The following SCN8A variants were observed in gnomAD, a reference collection of about 807,000 sequenced individuals.
SCN8A encodes the protein sodium channel protein type 8 subunit alpha.
In SCN8A, 30 loss-of-function variants were observed where a neutral mutation model predicts 184.1. That is an observed-to-expected ratio of 0.16 (90% CI 0.12 to 0.22). The LOEUF (loss-of-function observed/expected upper bound fraction) is 0.22, where lower values mean the gene tolerates loss of function less well. Among genes scored for constraint, SCN8A ranks in the 10% least tolerant of loss-of-function variants. The pLI is 1.00. For synonymous variants in SCN8A, 852 were observed against 907.0 expected, an observed-to-expected ratio of 0.94 and a Z score of 1.09; for missense variants, 1,057 against 2,498.9, an observed-to-expected ratio of 0.42 and a Z score of 12.30.
chr12:51,667,870 C>T (rs530912964), intron 2 of SCN8A, among the ~76,000 whole-genome samples: 1 of 152,200 alleles, frequency 6.6e-6, no homozygotes, highest in African/African-American at 2.4e-5. Context: ...TTAAATAGGG[C>T]ACACTCCTAT....
chr12:51,648,399 G>T (rs1033935895), intron 1 of SCN8A, among the ~76,000 whole-genome samples: 2 of 152,086 alleles, frequency 1.3e-5, no homozygotes, highest in Non-Finnish European at 2.9e-5. Flanking sequence ...TCCTAGAGTG[G>T]GTAGTCCTGT....
At chr12:51,744,613 CTTT>C (rs1410294336) in intron 12 of SCN8A, among the ~76,000 whole-genome samples, 2 of 137,512 alleles carry the variant, frequency 1.5e-5, no homozygotes, top group Non-Finnish European at 3.2e-5. Context: ...TGATGAAACA[CTTT>C]TTTTTTTTTT....
chr12:51,745,767 G>C lies in SCN8A; in HGVS notation c.1999-136G>C, dbSNP rs1222230568. 10 of 559,828 alleles carry C rather than the reference G, an allele frequency of 1.8e-5. No individual in the cohort carries two copies. In the Admixed American group the frequency reaches 2.0e-4, roughly 11 times the overall value. 34.7% of individuals were successfully genotyped at this position (559,828 alleles called of 1,614,324 possible). On this transcript the variant is annotated intron_variant, in intron 12 of 26. Transcript: ENST00000627620. ...GCCAATTCATTTCATTCTACTTCTTGAAGTGAATAGGACTGTAGGATCAAA... is the reference window on the plus strand; with the variant it reads ...GCCAATTCATTTCATTCTACTTCTTCAAGTGAATAGGACTGTAGGATCAAA...
At chr12:51,645,130 C>T (rs1300919254) in intron 1 of SCN8A, among the ~76,000 whole-genome samples, 1 of 149,734 alleles carries the variant, frequency 6.7e-6, no homozygotes, top group African/African-American at 2.5e-5. Flanking sequence ...GTGAGGGGCG[C>T]CTCTGCCCGG....
At position 51,706,417 on chromosome 12, in the gene SCN8A, C is replaced by A; in HGVS notation, c.1342-5C>A. 6.4e-7 allele frequency: 1 copy of A among 1,564,248 alleles called. No individual in the cohort carries two copies. Among genetic ancestry groups the A allele is most frequent in the South Asian group, 1.2e-5 (1 of 81,198 alleles). ...CTGGCTTCCCTGCTGTGGCTTCTTT[C>A]CTAGGCTGCTGCGATGGCCACTTCA... On this transcript the variant is annotated splice_region_variant and splice_polypyrimidine_tract_variant and intron_variant, in intron 10 of 26. Transcript: ENST00000627620.
rs1942068938 is a variant in SCN8A, at chr12:51,721,764, C to T, written c.1854C>T (p.Ser618=). Residue 618 remains serine (S), a synonymous_variant, in exon 12 of 27, where the codon AGC becomes AGT. Transcript: ENST00000627620. ...GCCGGAGCAGCTACAGCGGCTACAGCGGCTACAGCCAGGGCAGCCGCTCCT... is the reference window on the plus strand; with the variant it reads ...GCCGGAGCAGCTACAGCGGCTACAGTGGCTACAGCCAGGGCAGCCGCTCCT... ...RERRSSYSGY[S]GYSQGSRSSR... 1 of 1,609,396 alleles carries T rather than the reference C, an allele frequency of 6.2e-7. No homozygotes were observed. The highest frequency in any genetic ancestry group is 8.5e-7 in the Non-Finnish European group (1 of 1,178,612).
chr12:51,620,484 T>A (rs1299455694), intron 1 of SCN8A, among the ~76,000 whole-genome samples: 2 of 152,138 alleles, frequency 1.3e-5, no homozygotes, highest in Non-Finnish European at 1.5e-5. Flanking sequence ...AATTTTTTCT[T>A]TATATAACTC....
chr12:51,791,020 A>G (rs1758188627), intron 25 of SCN8A, among the ~76,000 whole-genome samples: 1 of 152,092 alleles, frequency 6.6e-6, no homozygotes. Context: ...CCTTTTATAA[A>G]ACAGATTAGG....
At chr12:51,722,937 C>T (rs1404952530) in intron 12 of SCN8A, 6 of 152,286 alleles carry the variant, frequency 3.9e-5, no homozygotes, top group African/African-American at 1.4e-4. Context: ...CTTCATACCT[C>T]TAATTTCTAA....
chr12:51,755,197 G>A (rs1001297896), intron 14 of SCN8A, among the ~76,000 whole-genome samples: 1 of 152,214 alleles, frequency 6.6e-6, no homozygotes, highest in African/African-American at 2.4e-5. Flanking sequence ...ATACTTAATA[G>A]GTATTTGTGA....
intron 1 of SCN8A, among the ~76,000 whole-genome samples, chr12:51,646,238 G>T (rs1457272642): frequency 6.6e-6 from 1 of 152,190 alleles, no homozygotes; most frequent in Non-Finnish European, 1.5e-5. Context: ...TTAGACGGTT[G>T]CTATGGTAAC....
In SCN8A at chr12:51,807,514, G is replaced by C. The variant is rs1298763470; in HGVS notation, c.*85G>C. ...AAACTTCCTGAATATTATCAATGCA[G>C]AACAGCTGTGGAGACTCTAACCTGA... is the stretch of plus-strand genomic sequence containing the variant. On this transcript the variant is annotated 3_prime_UTR_variant, in exon 27 of 27. Transcript: ENST00000627620. The surrounding 1 kb of genome is among the most constrained non-coding windows in gnomAD (Gnocchi z 4.5). 5 of 1,362,526 alleles carry C rather than the reference G, an allele frequency of 3.7e-6. No individual in the cohort carries two copies. The East Asian group carries it at 1.2e-4, about 34-fold the overall frequency. 84.4% of individuals were successfully genotyped at this position (1,362,526 alleles called of 1,614,324 possible). A position where few individuals can be genotyped will look rare whatever the true frequency, so the allele number is the denominator to read the frequency against.
chr12:51,690,517 T>G (rs1941488838), intron 6 of SCN8A, among the ~76,000 whole-genome samples: 1 of 151,828 alleles, frequency 6.6e-6, no homozygotes, highest in African/African-American at 2.4e-5. Context: ...CACACCCAGC[T>G]CATTTTTAAA....
At position 51,600,206 on chromosome 12, in the gene SCN8A, T is replaced by C. The variant is rs1004565524; in HGVS notation, c.-55+8847T>C. Among the ~76,000 whole-genome samples, 8 of 152,238 alleles carry C rather than the reference T, an allele frequency of 5.3e-5. No homozygotes were observed. The East Asian group carries it at 1.3e-3, about 26-fold the overall frequency. ...GGTCTCTACCCTTGTTTTGGAGTTTTACATTCTGTCCATTCATAGACACTT... is the reference window on the plus strand; with the variant it reads ...GGTCTCTACCCTTGTTTTGGAGTTTCACATTCTGTCCATTCATAGACACTT... On this transcript the variant is annotated intron_variant, in intron 1 of 26. Coordinates refer to ENST00000627620, the MANE Select transcript of SCN8A (RefSeq NM_001330260.2).
intron 1 of SCN8A, among the ~76,000 whole-genome samples, chr12:51,626,859 T>C (rs1940090170): frequency 1.3e-5 from 2 of 151,032 alleles, no homozygotes; most frequent in Non-Finnish European, 3.0e-5. Context: ...AGTATTTATT[T>C]ATTTATTTAG....
chr12:51,800,243 G>GAT (rs1938519668), intron 26 of SCN8A, among the ~76,000 whole-genome samples: 1 of 152,242 alleles, frequency 6.6e-6, no homozygotes, highest in African/African-American at 2.4e-5. Flanking sequence ...GATACCAGGA[G>GAT]ATGTGTTAAT....
At chr12:51,659,755 G>T (rs1940892160) in intron 1 of SCN8A, among the ~76,000 whole-genome samples, 1 of 152,126 alleles carries the variant, frequency 6.6e-6, no homozygotes, top group South Asian at 2.1e-4. Flanking sequence ...TATTGAAAAT[G>T]GAAGCTCTTA....
chr12:51,787,443 G>A (rs1326615766), intron 22 of SCN8A, among the ~76,000 whole-genome samples: 1 of 152,234 alleles, frequency 6.6e-6, no homozygotes. Flanking sequence ...ACATAATGCA[G>A]TGAAAGCTCG....
At chr12:51,744,786 T>G (rs1942483926) in intron 12 of SCN8A, among the ~76,000 whole-genome samples, 1 of 152,172 alleles carries the variant, frequency 6.6e-6, no homozygotes, top group South Asian at 2.1e-4. Flanking sequence ...GTTCAGTCCT[T>G]AAAATCTGAA....
Sources: gnomAD v4.1 joint callset for allele counts (sites outside exome capture counted in the v4.1 genomes callset) on GRCh38, gnomAD v4.1.1 for gene constraint, Gnocchi (gnomAD v3.1) non-coding constraint, MANE v1.5 for transcripts, NCBI Gene and HGNC (gene_info 2026-07-23, HGNC 2026-07-21) for gene names.